Variants in SGCD observed in about 807,000 individuals in gnomAD.
SGCD encodes the protein delta-sarcoglycan.
A neutral mutation model predicts 36.6 loss-of-function variants in SGCD; 18 were observed. The ratio of observed to expected loss-of-function variants is 0.49; its 90% CI spans 0.34 to 0.73. The LOEUF (loss-of-function observed/expected upper bound fraction) is 0.73. Ranked by LOEUF, SGCD falls within the 30% of genes least tolerant of loss-of-function variation. SGCD has a pLI of 0.01. For synonymous variants in SGCD, 133 were observed against 130.6 expected (o/e 1.02, Z -0.12); for missense variants, 387 against 346.7 (o/e 1.12, Z -0.92).
At chr5:155,751,415 A>G in the SGCD span, among the ~76,000 whole-genome samples, 1 of 152,002 alleles carries the variant, frequency 6.6e-6, no homozygotes, top group Non-Finnish European at 1.5e-5. Context: ...CTTTTTTGAG[A>G]CAGACTTTCA....
the SGCD span, among the ~76,000 whole-genome samples, chr5:155,794,897 A>G: frequency 6.6e-6 from 1 of 152,176 alleles, no homozygotes; most frequent in Non-Finnish European, 1.5e-5. Flanking sequence ...GATGACAACC[A>G]TAAGAAGAAA....
At chr5:155,738,818 TGA>T in the SGCD span, among the ~76,000 whole-genome samples, 8,466 of 148,296 alleles carry the variant, frequency 0.057, 283 homozygotes, top group Middle Eastern at 0.17. Flanking sequence ...AGAGAGTGTG[TGA>T]GAGTGTGTGT....
chr5:155,997,357 A>T (rs923726322), intron 1 of SGCD, among the ~76,000 whole-genome samples: 9 of 152,240 alleles, frequency 5.9e-5, no homozygotes, highest in African/African-American at 1.9e-4. Flanking sequence ...TATTGATCTA[A>T]CAAACCTATG....
the SGCD span, among the ~76,000 whole-genome samples, chr5:155,796,079 T>C: frequency 6.6e-6 from 1 of 152,190 alleles, no homozygotes; most frequent in Admixed American, 6.5e-5. Flanking sequence ...AATAAGGATA[T>C]TGAAGATCTG....
chr5:155,729,926 G>T, the SGCD span, among the ~76,000 whole-genome samples: 1 of 152,252 alleles, frequency 6.6e-6, no homozygotes, highest in African/African-American at 2.4e-5. Flanking sequence ...GATCCCTGGC[G>T]GCAGTATCCC....
chr5:155,973,119 T>C (rs1192234415), intron 1 of SGCD, among the ~76,000 whole-genome samples: 1 of 152,192 alleles, frequency 6.6e-6, no homozygotes, highest in East Asian at 1.9e-4. Flanking sequence ...CGAAAAAGTC[T>C]GATTTTACAA....
chr5:156,313,898 A>AT (rs1767449425), intron 3 of SGCD, among the ~76,000 whole-genome samples: 1 of 150,998 alleles, frequency 6.6e-6, no homozygotes, highest in Non-Finnish European at 1.5e-5. Context: ...GAAAATATGC[A>AT]TAAAAATGCA....
chr5:156,082,863 T>C (rs1240230605), intron 1 of SGCD, among the ~76,000 whole-genome samples: 3 of 152,220 alleles, frequency 2.0e-5, no homozygotes, highest in Non-Finnish European at 4.4e-5. Flanking sequence ...GGCTGTGCTA[T>C]TTTATAATTC....
At chr5:156,547,254 G>T (rs947217654) in intron 4 of SGCD, among the ~76,000 whole-genome samples, 1 of 151,992 alleles carries the variant, frequency 6.6e-6, no homozygotes, top group Non-Finnish European at 1.5e-5. Flanking sequence ...TTCATAGCCT[G>T]TTACCCACTA....
chr5:155,823,793 C>T, the SGCD span, among the ~76,000 whole-genome samples: 1 of 152,178 alleles, frequency 6.6e-6, no homozygotes, highest in East Asian at 1.9e-4. Flanking sequence ...TTGCCTGGCT[C>T]TTTCTTCTTT....
chr5:156,160,468 T>A (rs1023968085), intron 3 of SGCD, among the ~76,000 whole-genome samples: 1 of 151,652 alleles, frequency 6.6e-6, no homozygotes, highest in Non-Finnish European at 1.5e-5. Context: ...AGTCTCAAGA[T>A]GCGTCCAGAA....
intron 7 of SGCD, among the ~76,000 whole-genome samples, chr5:156,713,071 C>T (rs157672): frequency 0.026 from 3,925 of 152,118 alleles, 158 homozygotes; most frequent in East Asian, 0.16. Context: ...ATCAACTTTC[C>T]TCTCAGGTAG....
chr5:156,282,369 T>C (rs142330330), intron 3 of SGCD, among the ~76,000 whole-genome samples: 2 of 152,304 alleles, frequency 1.3e-5, no homozygotes, highest in East Asian at 3.9e-4. Context: ...GAAAGGGTTG[T>C]TTATATTTAG....
At chr5:156,451,439 A>G (rs184229038) in intron 3 of SGCD, among the ~76,000 whole-genome samples, 2 of 152,132 alleles carry the variant, frequency 1.3e-5, no homozygotes, top group Non-Finnish European at 2.9e-5. Flanking sequence ...AGGAATTTTT[A>G]AAGAAGTGTT....
At chr5:155,748,522 C>G in the SGCD span, among the ~76,000 whole-genome samples, 3 of 152,140 alleles carry the variant, frequency 2.0e-5, no homozygotes, top group Middle Eastern at 3.4e-3. Context: ...TTGCTGAGCC[C>G]CACTCCTAGA....
intron 1 of SGCD, among the ~76,000 whole-genome samples, chr5:156,071,559 T>C (rs1374079752): frequency 9.9e-5 from 15 of 152,172 alleles, no homozygotes; most frequent in Non-Finnish European, 1.9e-4. Flanking sequence ...AACTATGTGG[T>C]CAGTTTTGGA....
intron 3 of SGCD, among the ~76,000 whole-genome samples, chr5:156,172,630 T>C (rs1194436194): frequency 6.6e-6 from 1 of 152,214 alleles, no homozygotes; most frequent in Non-Finnish European, 1.5e-5. Context: ...GAAATCCTTT[T>C]AAGACTTAAT....
Position 156,758,105 on chromosome 5 carries a change from C to T in SGCD, c.699+401C>T, listed in dbSNP as rs548430211. On this transcript the variant is annotated intron_variant, in intron 8 of 8. Coordinates refer to ENST00000337851, the MANE Select transcript of SGCD (RefSeq NM_000337.6). ...TTTGTGTCACATGTTTCTGTTTTCA[C>T]TGAAAATGGGGAGGCAGATTGAACA... is the stretch of plus-strand genomic sequence containing the variant. 139 of 709,092 alleles carry T rather than the reference C, an allele frequency of 2.0e-4. No homozygotes were observed. In the African/African-American group the frequency reaches 2.5e-3, roughly 13 times the overall value. 43.9% of individuals were successfully genotyped at this position (709,092 alleles called of 1,614,324 possible).
chr5:156,721,128 T>G (rs1364340238), intron 7 of SGCD, among the ~76,000 whole-genome samples: 1 of 152,162 alleles, frequency 6.6e-6, no homozygotes, highest in Non-Finnish European at 1.5e-5. Flanking sequence ...GGCCTAGGCC[T>G]GGAGAGTTGG....
Sources: allele counts gnomAD v4.1 joint callset (sites outside exome capture counted in the v4.1 genomes callset), GRCh38; gene constraint gnomAD v4.1.1; transcripts MANE v1.5; gene names NCBI Gene and HGNC (gene_info 2026-07-23, HGNC 2026-07-21).